Variants in SNX14 observed in about 807,000 individuals in gnomAD.
SNX14 encodes sorting nexin 14, also known as sorting nexin-14.
SNX14 carries 93 observed loss-of-function variants against 133.8 expected under a neutral mutation model. The observed-to-expected ratio is 0.70, with a 90% CI of 0.59 to 0.83. The LOEUF (loss-of-function observed/expected upper bound fraction) is 0.83, where lower values mean the gene tolerates loss of function less well. Among genes scored for constraint, SNX14 ranks in the 40% least tolerant of loss-of-function variants. SNX14 has a pLI of 0.00. For synonymous variants in SNX14, 368 were observed against 365.6 expected (o/e 1.01, Z -0.07); for missense variants, 945 against 1,094.9 (o/e 0.86, Z 1.93).
At chr6:85,575,809 C>T (rs1797135476) in intron 1 of SNX14, among the ~76,000 whole-genome samples, 1 of 152,154 alleles carries the variant, frequency 6.6e-6, no homozygotes, top group Non-Finnish European at 1.5e-5. Context: ...GGAGATTTCA[C>T]AACATTGGAT....
chr6:85,531,276 T>C (rs1780211034), intron 18 of SNX14, among the ~76,000 whole-genome samples: 1 of 152,194 alleles, frequency 6.6e-6, no homozygotes, highest in South Asian at 2.1e-4. Flanking sequence ...CACCACTGTA[T>C]CTTACAGTGC....
intron 20 of SNX14, among the ~76,000 whole-genome samples, 199 bp downstream of exon 20, chr6:85,528,063 C>G (rs775824103): frequency 1.3e-5 from 2 of 151,914 alleles, no homozygotes; most frequent in Non-Finnish European, 2.9e-5. Context: ...TCTTGCATTT[C>G]ATTCAATTTG....
chr6:85,557,093 AG>A (rs1790037575), intron 7 of SNX14, among the ~76,000 whole-genome samples: 1 of 152,184 alleles, frequency 6.6e-6, no homozygotes, highest in Non-Finnish European at 1.5e-5. Flanking sequence ...AATTTCTACA[AG>A]GGGAATACAA....
intron 26 of SNX14, among the ~76,000 whole-genome samples, chr6:85,509,365 C>T (rs1195480657): frequency 3.3e-5 from 5 of 152,096 alleles, no homozygotes; most frequent in East Asian, 1.9e-4. Context: ...CATTTGCCTA[C>T]AGAAAATTTA....
intron 28 of SNX14, among the ~76,000 whole-genome samples, chr6:85,506,969 TC>T (rs1770927563): frequency 6.6e-6 from 1 of 152,056 alleles, no homozygotes; most frequent in Non-Finnish European, 1.5e-5. Context: ...ACTCACTTCT[TC>T]CCCTGGAAAG....
chr6:85,533,509 A>T, intron 18 of SNX14, 90 bp downstream of exon 18: 1 of 1,204,366 alleles, frequency 8.3e-7, no homozygotes, highest in Non-Finnish European at 1.2e-6. Context: ...CATATTTGTT[A>T]GTTAGAAGTG....
chr6:85,514,346 T>C (rs1467107222), intron 24 of SNX14, 112 bp from the exon 25 acceptor site: 13 of 1,456,190 alleles, frequency 8.9e-6, no homozygotes, highest in South Asian at 1.4e-5. Context: ...TTGTAAACAC[T>C]AGCAACTTTA....
In SNX14 at chr6:85,547,330, T is replaced by C. The variant is rs898616640; in HGVS notation, c.980A>G (p.Asn327Ser). ...PFLQKFAEPR[N>S]KKPSVLKLEL... is the part of the protein sequence containing the mutation. ...GAAAATTCTTACAGATGGCTTTTTA[T>C]TTCTAGGTTCTGCAAATTTCTGCAA... Residue 327 changes from asparagine (N) to serine (S), a missense_variant, in exon 11 of 29, where the codon AAT becomes AGT. Around this residue, in one of 3 missense-constraint regions of SNX14, gnomAD observed 514 missense variants for 538.8 expected, o/e 0.95. Transcript: ENST00000314673. 1 of 1,613,660 alleles carries C rather than the reference T, an allele frequency of 6.2e-7. No individual in the cohort carries two copies.
At chr6:85,585,546 TATAAGCTAGTTCTTTGAA>T (rs1800553525) in intron 1 of SNX14, among the ~76,000 whole-genome samples, 2 of 152,082 alleles carry the variant, frequency 1.3e-5, no homozygotes, top group East Asian at 3.9e-4. Flanking sequence ...ATTAACAAAA[TATAAGCTAGTTCTTTGAA>T]AAAATTAATA....
intron 21 of SNX14, among the ~76,000 whole-genome samples, chr6:85,522,313 T>C (rs1373198900): frequency 6.6e-6 from 1 of 152,202 alleles, no homozygotes; most frequent in Non-Finnish European, 1.5e-5. Context: ...AGACATATGA[T>C]AGGGCTCTCC....
chr6:85,519,462 C>G (rs1776091960), intron 21 of SNX14, among the ~76,000 whole-genome samples: 1 of 152,194 alleles, frequency 6.6e-6, no homozygotes, highest in Admixed American at 6.5e-5. Context: ...GATCCCATCT[C>G]TACAGATATT....
At chr6:85,512,938 T>C (rs183941407) in intron 26 of SNX14, among the ~76,000 whole-genome samples, 95 of 152,310 alleles carry the variant, frequency 6.2e-4, no homozygotes, top group African/African-American at 2.0e-3. Context: ...GGCCAGGTTC[T>C]TATGTGCCAG....
Position 85,548,307 on chromosome 6 carries a change from A to C in SNX14, c.861T>G (p.Ala287=). The part of the protein sequence containing the change: ...SVFLPSLDFL[A]DPDTVNHLLI... Reference sequence around the variant, plus strand: ...AAAAAATCTTAAGTCTTACTGGATCAGCTAGGAAATCCAAAGAAGGAAGGA... The same window carrying C: ...AAAAAATCTTAAGTCTTACTGGATCCGCTAGGAAATCCAAAGAAGGAAGGA... Residue 287 remains alanine (A), a synonymous_variant, in exon 9 of 29, where the codon GCT becomes GCG. Transcript: ENST00000314673. 6.2e-7 allele frequency: 1 copy of C among 1,605,966 alleles called. No individual in the cohort carries two copies. Among genetic ancestry groups the C allele is most frequent in the South Asian group, 1.1e-5 (1 of 89,156 alleles).
chr6:85,572,486 A>AT (rs1299086583), intron 2 of SNX14, 112 bp from the exon 3 acceptor site: 4 of 799,440 alleles, frequency 5.0e-6, no homozygotes, highest in Non-Finnish European at 4.0e-6. Context: ...TTCAAAGAAC[A>AT]TTTTTTGTCT....
At chr6:85,553,645 G>C (rs1190000972) in intron 7 of SNX14, among the ~76,000 whole-genome samples, 2 of 152,060 alleles carry the variant, frequency 1.3e-5, no homozygotes, top group African/African-American at 4.8e-5. Context: ...AATTAGCCAG[G>C]CGTGATGGCA....
intron 1 of SNX14, among the ~76,000 whole-genome samples, chr6:85,579,455 G>A (rs1798374732): frequency 6.6e-6 from 1 of 152,134 alleles, no homozygotes; most frequent in Non-Finnish European, 1.5e-5. Flanking sequence ...CAAAAACCAG[G>A]TGACTGATCA....
At chr6:85,552,767 C>T (rs1228547134) in intron 7 of SNX14, among the ~76,000 whole-genome samples, 1 of 152,198 alleles carries the variant, frequency 6.6e-6, no homozygotes, top group African/African-American at 2.4e-5. Flanking sequence ...GAGGACTGAA[C>T]TCTAACCACC....
At chr6:85,537,363 T>G (rs556522751) in intron 16 of SNX14, among the ~76,000 whole-genome samples, 1 of 152,188 alleles carries the variant, frequency 6.6e-6, no homozygotes, top group East Asian at 1.9e-4. Context: ...AAAAAAACAT[T>G]AAACTATTAC....
At chr6:85,541,039 G>C (rs1783554445) in intron 15 of SNX14, among the ~76,000 whole-genome samples, 1 of 150,898 alleles carries the variant, frequency 6.6e-6, no homozygotes, top group South Asian at 2.1e-4. Flanking sequence ...TGTCACCCAG[G>C]CTGGAGTGCA....
Sources: gnomAD v4.1 joint callset for allele counts (sites outside exome capture counted in the v4.1 genomes callset) on GRCh38, gnomAD v4.1.1 for gene constraint, gnomAD v4.1.1 regional missense constraint, MANE v1.5 for transcripts, NCBI Gene and HGNC (gene_info 2026-07-23, HGNC 2026-07-21) for gene names.